Variants in RNF216 observed in about 807,000 individuals in gnomAD.
RNF216 encodes the protein ring finger protein 216.
In RNF216, 72 loss-of-function variants were observed where a neutral mutation model predicts 110.8. The observed-to-expected ratio is 0.65, with a 90% confidence interval of 0.54 to 0.79. The LOEUF (loss-of-function observed/expected upper bound fraction) is 0.79. Among genes scored for constraint, RNF216 ranks in the 30% least tolerant of loss-of-function variants. The pLI is 0.00. For missense variants in RNF216, 1,342 were observed against 1,141.2 expected (o/e 1.18, Z -2.54); for synonymous variants, 495 against 407.5 (o/e 1.21, Z -2.59).
intron 14 of RNF216, among the ~76,000 whole-genome samples, chr7:5,645,952 G>C (rs1190154293): frequency 6.6e-6 from 1 of 152,138 alleles, no homozygotes; most frequent in African/African-American, 2.4e-5. Context: ...GTTTCCTTTA[G>C]TTCTTTGCCC....
chr7:5,675,551 G>C (rs1487645631), intron 13 of RNF216, among the ~76,000 whole-genome samples: 1 of 152,024 alleles, frequency 6.6e-6, no homozygotes, highest in Non-Finnish European at 1.5e-5. Context: ...CTGAGGCAGG[G>C]GGATTGCTTG....
intron 9 of RNF216, 43 bp downstream of exon 9, chr7:5,720,990 G>A (rs757191400): frequency 1.2e-6 from 2 of 1,602,740 alleles, no homozygotes; most frequent in East Asian, 2.2e-5. Flanking sequence ...GAGCAAACCA[G>A]AATCCCAGAA....
chr7:5,763,698 T>C (rs1038359746), intron 1 of RNF216, among the ~76,000 whole-genome samples: 1 of 151,878 alleles, frequency 6.6e-6, no homozygotes, highest in African/African-American at 2.4e-5. Context: ...AGCCTCAGAG[T>C]AGCTGGGACC....
At chr7:5,638,287 T>G (rs1038374289) in intron 15 of RNF216, among the ~76,000 whole-genome samples, 15 of 152,252 alleles carry the variant, frequency 9.9e-5, no homozygotes, top group African/African-American at 2.4e-5. Context: ...ATATAAAATT[T>G]GACATATCTC....
At chr7:5,716,793 A>T in intron 9 of RNF216, 27 bp from the exon 10 acceptor site, 2 of 1,587,440 alleles carry the variant, frequency 1.3e-6, no homozygotes, top group Non-Finnish European at 8.6e-7. Flanking sequence ...GCACACATTC[A>T]GACACAAATT....
At chr7:5,707,120 G>A (rs1431429010) in intron 13 of RNF216, among the ~76,000 whole-genome samples, 2 of 152,142 alleles carry the variant, frequency 1.3e-5, no homozygotes, top group Non-Finnish European at 1.5e-5. Context: ...ACTGTATTAT[G>A]TTCCATTGGT....
At chr7:5,661,033 C>A (rs1435517911) in intron 13 of RNF216, among the ~76,000 whole-genome samples, 1 of 148,606 alleles carries the variant, frequency 6.7e-6, no homozygotes, top group African/African-American at 2.5e-5. Context: ...CCTCCGCCTC[C>A]AGGGTTCAAG....
At chr7:5,679,356 C>A (rs1394069383) in intron 13 of RNF216, among the ~76,000 whole-genome samples, 1 of 152,210 alleles carries the variant, frequency 6.6e-6, no homozygotes, top group East Asian at 1.9e-4. Flanking sequence ...TCCTTCAGCC[C>A]TAGAATGGTG....
intron 1 of RNF216, among the ~76,000 whole-genome samples, chr7:5,768,488 T>C (rs1262512352): frequency 6.6e-6 from 1 of 151,828 alleles, no homozygotes; most frequent in Non-Finnish European, 1.5e-5. Flanking sequence ...TAACTGACAC[T>C]TTATCCAGTA....
At chr7:5,631,409 T>G (rs752293352) in intron 15 of RNF216, among the ~76,000 whole-genome samples, 3 of 152,168 alleles carry the variant, frequency 2.0e-5, no homozygotes, top group Non-Finnish European at 4.4e-5. Flanking sequence ...AAGCTGCACA[T>G]GGGGGCCCAG....
intron 13 of RNF216, 132 bp from the exon 14 acceptor site, chr7:5,652,642 G>A (rs972115890): frequency 1.4e-5 from 9 of 652,180 alleles, no homozygotes; most frequent in African/African-American, 9.0e-5. Context: ...TCCTTTTCAG[G>A]GGGGATATTT....
chr7:5,624,906 T>C lies in RNF216; in HGVS notation c.2383-781A>G, dbSNP rs911447852. Among the ~76,000 whole-genome samples the C allele has an allele frequency of 2.0e-5, 3 of 152,304 alleles. No homozygotes were observed. Among genetic ancestry groups the C allele is most frequent in the African/African-American group, 7.2e-5 (3 of 41,572 alleles). On this transcript the variant is annotated intron_variant, in intron 15 of 16. Coordinates refer to ENST00000389902, the MANE Select transcript of RNF216 (RefSeq NM_207111.4). The surrounding 1 kb of genome is among the most constrained non-coding windows in gnomAD (Gnocchi z 4.4). The stretch of plus-strand genomic sequence containing the variant: ...CACCCCCACCTGCCAGCAGACACCA[T>C]GGTGGGAGGACCGGGCTGCTGCCTC...
In RNF216 at chr7:5,696,370, A is replaced by G. The variant is rs1791627712; in HGVS notation, c.2061+15391T>C. ...TTCGACATGCCTTCGGCTGGAAAACAAGCCTTTTTAAATGACTGGGAAAAA... is the reference window on the plus strand; with the variant it reads ...TTCGACATGCCTTCGGCTGGAAAACGAGCCTTTTTAAATGACTGGGAAAAA... On this transcript the variant is annotated intron_variant, in intron 13 of 16. Coordinates refer to ENST00000389902, the MANE Select transcript of RNF216 (RefSeq NM_207111.4). The surrounding 1 kb of genome is among the most constrained non-coding windows in gnomAD (Gnocchi z 5.4). Among the ~76,000 whole-genome samples, 1 of 152,234 alleles carries G rather than the reference A, an allele frequency of 6.6e-6. No homozygotes were observed. The highest frequency in any genetic ancestry group is 1.5e-5 in the Non-Finnish European group (1 of 68,046).
At chr7:5,697,611 C>G (rs980165146) in intron 13 of RNF216, among the ~76,000 whole-genome samples, 1 of 152,098 alleles carries the variant, frequency 6.6e-6, no homozygotes, top group Non-Finnish European at 1.5e-5. Flanking sequence ...GCCTCCTGTG[C>G]AGCTGGGACT....
chr7:5,716,903 C>A, intron 9 of RNF216, 137 bp from the exon 10 acceptor site: 1 of 572,700 alleles, frequency 1.7e-6, no homozygotes, highest in Non-Finnish European at 3.0e-6. Flanking sequence ...AAAAAGGTTA[C>A]CTGTGAATAA....
At chr7:5,665,358 G>T (rs1156860452) in intron 13 of RNF216, among the ~76,000 whole-genome samples, 1 of 152,094 alleles carries the variant, frequency 6.6e-6, no homozygotes, top group African/African-American at 2.4e-5. Context: ...GGGCTTCTTT[G>T]GGGAAGATTT....
At chr7:5,625,339 G>T (rs1379307189) in intron 15 of RNF216, among the ~76,000 whole-genome samples, 1 of 152,238 alleles carries the variant, frequency 6.6e-6, no homozygotes, top group East Asian at 1.9e-4. Context: ...AATGCAAGCA[G>T]TCTAATGAAA....
At chr7:5,761,467 T>A (rs1419813976) in intron 1 of RNF216, among the ~76,000 whole-genome samples, 1 of 152,150 alleles carries the variant, frequency 6.6e-6, no homozygotes, top group African/African-American at 2.4e-5. Context: ...ACCTCACTAA[T>A]AATCAGGGAA....
intron 14 of RNF216, among the ~76,000 whole-genome samples, chr7:5,645,740 G>A (rs1161494339): frequency 6.6e-6 from 1 of 152,012 alleles, no homozygotes; most frequent in East Asian, 1.9e-4. Flanking sequence ...ACAGGCGCCC[G>A]CCACCACATC....
Sources: gnomAD v4.1 joint callset for allele counts (sites outside exome capture counted in the v4.1 genomes callset) on GRCh38, gnomAD v4.1.1 for gene constraint, Gnocchi (gnomAD v3.1) non-coding constraint, MANE v1.5 for transcripts, NCBI Gene and HGNC (gene_info 2026-07-23, HGNC 2026-07-21) for gene names.